Variants in ZNF217 observed in about 807,000 individuals in gnomAD.
ZNF217 encodes zinc finger protein 217.
A neutral mutation model predicts 73.3 loss-of-function variants in ZNF217; 12 were observed. The observed-to-expected ratio is 0.16, with a 90% CI of 0.10 to 0.27. ZNF217 has a LOEUF of 0.27. Ranked by LOEUF, ZNF217 falls within the 10% of genes least tolerant of loss-of-function variation. The pLI is 1.00. For missense variants in ZNF217, 1,195 were observed against 1,327.8 expected, an observed-to-expected ratio of 0.90 and a Z score of 1.55; for synonymous variants, 588 against 516.4, an observed-to-expected ratio of 1.14 and a Z score of -1.88.
At position 53,572,434 on chromosome 20, in the gene ZNF217, AAG is replaced by A. The variant is rs528080560; in HGVS notation, c.3038-583_3038-582del. Among the ~76,000 whole-genome samples, 6 of 152,116 alleles carry A rather than the reference AAG, an allele frequency of 3.9e-5. No individual in the cohort carries two copies. The East Asian group carries it at 1.2e-3, about 29-fold the overall frequency. On this transcript the variant is annotated intron_variant, in intron 4 of 5. Coordinates refer to ENST00000371471, the MANE Select transcript of ZNF217 (RefSeq NM_006526.3). ...GTCTCACAGAGGAGGGGAAAAAAAA[AAG>A]AGGATCTGACTTGCAACACACAGAG...
At chr20:53,591,586 C>CTA (rs1292411884) in intron 1 of ZNF217, among the ~76,000 whole-genome samples, 1 of 152,196 alleles carries the variant, frequency 6.6e-6, no homozygotes, top group Non-Finnish European at 1.5e-5. Context: ...AAACGAAACA[C>CTA]TATTAGTCTC....
intron 1 of ZNF217, among the ~76,000 whole-genome samples, chr20:53,583,674 C>T (rs1331835847): frequency 2.6e-5 from 4 of 152,180 alleles, no homozygotes; most frequent in Non-Finnish European, 5.9e-5. Context: ...CCCAAACACC[C>T]CCTTAGAGAT....
intron 5 of ZNF217, among the ~76,000 whole-genome samples, chr20:53,570,878 G>C (rs921776251): frequency 6.6e-6 from 1 of 152,214 alleles, no homozygotes. Context: ...GCAGAGCGGG[G>C]CTTTGAGCAA....
At position 53,582,203 on chromosome 20, in the gene ZNF217, G is replaced by T. The variant is rs201777102; in HGVS notation, c.624C>A (p.Ala208=). Residue 208 remains alanine (A), a synonymous_variant, in exon 2 of 6, where the codon GCC becomes GCA. Transcript: ENST00000371471. The surrounding 1 kb of genome is among the most constrained non-coding windows in gnomAD (Gnocchi z 4.8). The stretch of plus-strand genomic sequence containing the variant: ...TTTTGTAAGGAGAGGAGATGCTCTC[G>T]GCCGCGTGCACCTGGACGACCTCGT... ...TINEVVQVHA[A]ESISSPYKIC... 2 of 1,614,014 alleles carry T rather than the reference G, an allele frequency of 1.2e-6. No individual in the cohort carries two copies. Among genetic ancestry groups the T allele is most frequent in the East Asian group, 2.2e-5 (1 of 44,884 alleles).
intron 5 of ZNF217, among the ~76,000 whole-genome samples, chr20:53,570,805 G>A (rs1033852111): frequency 2.6e-5 from 4 of 152,272 alleles, no homozygotes; most frequent in African/African-American, 7.2e-5. Flanking sequence ...AAACTAGAAC[G>A]TTGGGCATAG....
rs1040994539 is a variant in ZNF217 at position 53,582,605 on chromosome 20, G to A, written c.222C>T (p.Phe74=). Residue 74 remains phenylalanine, a synonymous_variant, in exon 2 of 6, where the codon TTC becomes TTT. Transcript: ENST00000371471. This position sits in a 1 kb window ranked among gnomAD's most constrained non-coding sequence, Gnocchi z 4.8. The part of the protein sequence containing the change: ...PLDCMFCSQT[F]THSEDLNKHV... ...GTTTATTAAGGTCTTCTGAATGTGT[G>A]AAGGTCTGGCTGCAGAACATGCAAT... The A allele has an allele frequency of 1.9e-6, 3 of 1,614,076 alleles. No individual in the cohort carries two copies. Among genetic ancestry groups the A allele is most frequent in the Non-Finnish European group, 2.5e-6 (3 of 1,180,040 alleles).
chr20:53,573,092 CG>C (rs1568679504), intron 4 of ZNF217, among the ~76,000 whole-genome samples: 1 of 151,104 alleles, frequency 6.6e-6, no homozygotes, highest in African/African-American at 2.4e-5. Context: ...AAAACAGTGT[CG>C]TATCTGCAGT....
chr20:53,594,494 T>C (rs1317265591), upstream of ZNF217, among the ~76,000 whole-genome samples: 7 of 150,676 alleles, frequency 4.6e-5, no homozygotes, highest in Admixed American at 4.0e-4. Context: ...GCGCGCGCAC[T>C]CCCAGTTCTC....
At chr20:53,583,685 T>A (rs1267842525) in intron 1 of ZNF217, among the ~76,000 whole-genome samples, 1 of 152,196 alleles carries the variant, frequency 6.6e-6, no homozygotes, top group African/African-American at 2.4e-5. Flanking sequence ...CCTTAGAGAT[T>A]TTGCACATAC....
rs747618654 is a variant in ZNF217 at position 53,582,675 on chromosome 20, G to A, written c.152C>T (p.Thr51Ile). The A allele has an allele frequency of 6.2e-7, 1 of 1,614,102 alleles. No homozygotes were observed. The highest frequency in any genetic ancestry group is 1.1e-5 in the South Asian group (1 of 91,084). ...KGTAVVPFRA[T>I]QEKNVIQIEG... is the part of the protein sequence containing the mutation. ...GATTTGGATGACATTTTTTTCTTGT[G>A]TAGCTCGGAATGGAACAACAGCGGT... is the stretch of plus-strand genomic sequence containing the variant. Residue 51 changes from threonine to isoleucine, a missense_variant, in exon 2 of 6, where the codon ACA becomes ATA. Physicochemically the swap from Thr to Ile is moderately conservative, Grantham distance 89. Transcript: ENST00000371471. This position sits in a 1 kb window ranked among gnomAD's most constrained non-coding sequence, Gnocchi z 4.8.
chr20:53,575,519 G>A, intron 4 of ZNF217: 1 of 531,652 alleles, frequency 1.9e-6, no homozygotes, highest in Non-Finnish European at 3.3e-6. Flanking sequence ...AAATACACAG[G>A]GTTAAGAGTT....
intron 5 of ZNF217, chr20:53,570,467 G>A (rs1047576222): frequency 5.9e-5 from 9 of 152,626 alleles, no homozygotes; most frequent in Admixed American, 2.6e-4. Context: ...ACGGTTTTAC[G>A]GGACAAGAGT....
Position 53,571,734 on chromosome 20 carries a change from A to C in ZNF217, c.*10T>G, listed in dbSNP as rs565831531. On this transcript the variant is annotated 3_prime_UTR_variant, in exon 5 of 6. Transcript: ENST00000371471. Reference sequence around the variant, plus strand: ...ACATATGCTCACCTTTTTTCCCCCTAATTAGTGAATCAAGTTTTTTTGTCA... The same window carrying C: ...ACATATGCTCACCTTTTTTCCCCCTCATTAGTGAATCAAGTTTTTTTGTCA... The C allele has an allele frequency of 2.4e-5, 38 of 1,605,990 alleles. No individual in the cohort carries two copies. Among genetic ancestry groups the C allele is most frequent in the Admixed American group, 1.7e-4 (10 of 57,952 alleles).
chr20:53,575,465 C>T (rs938543072), intron 4 of ZNF217: 1 of 371,686 alleles, frequency 2.7e-6, no homozygotes, highest in East Asian at 4.5e-5. Context: ...GGAGCAAGAC[C>T]CTTTCTCTAA....
chr20:53,575,241 G>C (rs140950766), intron 4 of ZNF217: 1 of 152,746 alleles, frequency 6.5e-6, no homozygotes, highest in Non-Finnish European at 1.5e-5. Flanking sequence ...AAGATACTTG[G>C]GAGGTCAACG....
intron 1 of ZNF217, among the ~76,000 whole-genome samples, chr20:53,592,903 C>T (rs1038117032): frequency 2.1e-4 from 32 of 151,898 alleles, no homozygotes; most frequent in Admixed American, 1.1e-3. Context: ...TCAATCCTTC[C>T]TGCCCTTTAG....
At position 53,591,159 on chromosome 20, in the gene ZNF217, A is replaced by C. The variant is rs557489411; in HGVS notation, c.-343+2597T>G. Among the ~76,000 whole-genome samples, 5 of 152,172 alleles carry C rather than the reference A, an allele frequency of 3.3e-5. No homozygotes were observed. The East Asian group carries it at 9.6e-4, about 29-fold the overall frequency. The stretch of plus-strand genomic sequence containing the variant: ...AGTGGTGTATTAGTTCCTTTTTTTG[A>C]GTAAGAAGTGAAAGGGAATAGGAAC... On this transcript the variant is annotated intron_variant, in intron 1 of 5. Transcript: ENST00000371471.
upstream of ZNF217, among the ~76,000 whole-genome samples, chr20:53,596,897 C>T (rs1020546282): frequency 6.6e-6 from 1 of 152,062 alleles, no homozygotes; most frequent in Admixed American, 6.6e-5. Context: ...CAAACATCAG[C>T]TACACCTCAT....
Position 53,567,314 on chromosome 20 carries a change from C to T in ZNF217, c.*1974G>A, listed in dbSNP as rs1247573560. The T allele has an allele frequency of 6.6e-6, 1 of 152,500 alleles. No homozygotes were observed. 9.4% of individuals were successfully genotyped at this position (152,500 alleles called of 1,614,324 possible). Reference sequence around the variant, plus strand: ...ACCAGTAGTATACCAATAGTTAATACTGATGGACACAAAAACATATTTTGA... The same window carrying T: ...ACCAGTAGTATACCAATAGTTAATATTGATGGACACAAAAACATATTTTGA... On this transcript the variant is annotated 3_prime_UTR_variant, in exon 6 of 6. Coordinates refer to ENST00000371471, the MANE Select transcript of ZNF217 (RefSeq NM_006526.3).
Sources: allele counts gnomAD v4.1 joint callset (sites outside exome capture counted in the v4.1 genomes callset), GRCh38; gene constraint gnomAD v4.1.1; non-coding constraint Gnocchi (gnomAD v3.1); transcripts MANE v1.5; gene names NCBI Gene and HGNC (gene_info 2026-07-23, HGNC 2026-07-21).